Variants in SH2D4A observed in about 807,000 individuals in gnomAD.
SH2D4A encodes the protein SH2 domain-containing protein 4A.
A neutral mutation model predicts 64.7 loss-of-function variants in SH2D4A; 70 were observed. The observed-to-expected ratio is 1.08, with a 90% CI of 0.89 to 1.32. The LOEUF (loss-of-function observed/expected upper bound fraction) is 1.32, where lower values mean the gene tolerates loss of function less well. SH2D4A is among the 40% of genes most tolerant of loss of function. SH2D4A has a pLI of 0.00. For missense variants in SH2D4A, 706 were observed against 540.1 expected (o/e 1.31, Z -3.04); for synonymous variants, 268 against 200.7 (o/e 1.34, Z -2.83).
rs761257331 is a variant in SH2D4A at position 19,351,050 on chromosome 8, CCTGT to C, written c.514-6150_514-6147del. Among the ~76,000 whole-genome samples, 3 of 152,146 alleles carry C rather than the reference CCTGT, an allele frequency of 2.0e-5. No homozygotes were observed. The East Asian group carries it at 5.8e-4, about 29-fold the overall frequency. ...TCTACTTGGCCTTAGGAAAATCTCT[CCTGT>C]CTCTCTTATTCTTTATAACTTTATT... is the stretch of plus-strand genomic sequence containing the variant. On this transcript the variant is annotated intron_variant, in intron 4 of 9. Coordinates refer to ENST00000265807, the MANE Select transcript of SH2D4A (RefSeq NM_022071.4).
chr8:19,336,674 GC>G (rs773086305), intron 4 of SH2D4A, among the ~76,000 whole-genome samples: 4 of 151,968 alleles, frequency 2.6e-5, no homozygotes, highest in Non-Finnish European at 5.9e-5. Flanking sequence ...GCATAATCCT[GC>G]AGAGACAGTG....
Position 19,393,386 on chromosome 8 carries a change from C to T in SH2D4A, c.1117C>T (p.Arg373Ter), listed in dbSNP as rs773317243. 28 of 1,614,046 alleles carry T rather than the reference C, an allele frequency of 1.7e-5. No homozygotes were observed. The East Asian group carries it at 2.0e-4, about 12-fold the overall frequency. The part of the protein sequence containing the change: ...STGMPGSFLI[R>*]VSERIKGYAL... Reference sequence around the variant, plus strand: ...AGGCATGCCCGGCAGTTTTCTCATCCGAGTCAGTGAAAGGATCAAAGGCTA... The same window carrying T: ...AGGCATGCCCGGCAGTTTTCTCATCTGAGTCAGTGAAAGGATCAAAGGCTA... Residue 373 changes from arginine (R) to a stop codon, truncating the protein, a stop_gained, in exon 9 of 10, where the codon CGA (arginine) becomes TGA (stop). Coordinates refer to ENST00000265807, the MANE Select transcript of SH2D4A (RefSeq NM_022071.4). LOFTEE classifies it high-confidence loss of function.
chr8:19,334,609 A>T, intron 3 of SH2D4A, 77 bp from the exon 4 acceptor site: 1 of 1,457,588 alleles, frequency 6.9e-7, no homozygotes. Context: ...ACATAATTTG[A>T]ATGTCGACAT....
intron 1 of SH2D4A, among the ~76,000 whole-genome samples, chr8:19,316,216 T>A (rs1460702422): frequency 6.6e-6 from 1 of 152,220 alleles, no homozygotes; most frequent in Non-Finnish European, 1.5e-5. Flanking sequence ...GTCCCCCAAG[T>A]ATTCTTGGAG....
At chr8:19,389,161 T>C (rs2053440957) in intron 8 of SH2D4A, among the ~76,000 whole-genome samples, 1 of 152,136 alleles carries the variant, frequency 6.6e-6, no homozygotes, top group African/African-American at 2.4e-5. Context: ...GAGGAAGCTG[T>C]GGAGAAAAAT....
chr8:19,340,631 G>T (rs1209885115), intron 4 of SH2D4A, among the ~76,000 whole-genome samples: 4 of 142,862 alleles, frequency 2.8e-5, no homozygotes, highest in Non-Finnish European at 4.5e-5. Flanking sequence ...TTTGAGACAG[G>T]GTCTTGCTCT....
chr8:19,335,969 G>A (rs1456040618), intron 4 of SH2D4A, among the ~76,000 whole-genome samples: 1 of 152,200 alleles, frequency 6.6e-6, no homozygotes, highest in Admixed American at 6.5e-5. Context: ...AGCACTGGCT[G>A]TGTGTGCTTT....
At chr8:19,326,984 C>A (rs2052291389) in intron 2 of SH2D4A, among the ~76,000 whole-genome samples, 2 of 152,196 alleles carry the variant, frequency 1.3e-5, no homozygotes, top group Non-Finnish European at 2.9e-5. Flanking sequence ...CTGGACCAAG[C>A]CCGGCCATCT....
At chr8:19,314,897 T>C (rs2052059775) in intron 1 of SH2D4A, among the ~76,000 whole-genome samples, 1 of 152,170 alleles carries the variant, frequency 6.6e-6, no homozygotes, top group African/African-American at 2.4e-5. Flanking sequence ...CTTTTGCTGG[T>C]AGATGAATAA....
rs191942981 is a variant in SH2D4A at position 19,370,608 on chromosome 8, T to C, written c.918-2922T>C. ...CAATGTTTTTTCCCCATTCTTTCCC[T>C]TCCAGACTATGCATGTCCTTACAGG... On this transcript the variant is annotated intron_variant, in intron 7 of 9. Coordinates refer to ENST00000265807, the MANE Select transcript of SH2D4A (RefSeq NM_022071.4). 2.5e-4 allele frequency among the ~76,000 whole-genome samples: 38 copies of C among 152,218 alleles called. No homozygotes were observed. In the East Asian group the frequency reaches 6.2e-3, roughly 25 times the overall value.
intron 1 of SH2D4A, among the ~76,000 whole-genome samples, chr8:19,315,720 T>C (rs188472369): frequency 2.3e-4 from 35 of 152,354 alleles, no homozygotes; most frequent in African/African-American, 7.0e-4. Context: ...GGAGATTTGC[T>C]GCCCTTGATA....
At chr8:19,380,940 T>C (rs1355540441) in intron 8 of SH2D4A, among the ~76,000 whole-genome samples, 4 of 152,212 alleles carry the variant, frequency 2.6e-5, no homozygotes, top group African/African-American at 9.6e-5. Flanking sequence ...TTGCATTGAA[T>C]CTGTATATCA....
At chr8:19,353,599 G>C (rs73599101) in intron 4 of SH2D4A, among the ~76,000 whole-genome samples, 33,449 of 150,278 alleles carry the variant, frequency 0.22, 4,066 homozygotes, top group Middle Eastern at 0.33. Flanking sequence ...GATCTCTTGA[G>C]CTTGTGATTT....
chr8:19,373,709 G>T (rs759197858), intron 8 of SH2D4A, 49 bp downstream of exon 8: 4 of 1,569,436 alleles, frequency 2.5e-6, no homozygotes, highest in East Asian at 2.3e-5. Context: ...GGCGGATGAA[G>T]CTGTGCTAAT....
At chr8:19,313,971 CT>C in intron 1 of SH2D4A, 148 bp downstream of exon 1, 2 of 1,256,230 alleles carry the variant, frequency 1.6e-6, no homozygotes, top group Non-Finnish European at 2.0e-6. Context: ...GCCTCCACCC[CT>C]TCGCGGCGCC....
In SH2D4A at chr8:19,356,124, G is replaced by A. The variant is rs746937103; in HGVS notation, c.514-1079G>A. 2.7e-4 allele frequency among the ~76,000 whole-genome samples: 41 copies of A among 152,198 alleles called. 1 individual carries two copies. The highest frequency in any genetic ancestry group is 4.1e-4 in the Non-Finnish European group (28 of 68,042). On this transcript the variant is annotated intron_variant, in intron 4 of 9. Transcript: ENST00000265807. ...GAAGGTGGAAGTGGCCTGCAGGAGT[G>A]TGTGAAGGAGGTTTCAAGTGGGCCT... is the stretch of plus-strand genomic sequence containing the variant.
intron 7 of SH2D4A, among the ~76,000 whole-genome samples, chr8:19,364,575 T>A (rs906755984): frequency 1.3e-5 from 2 of 151,548 alleles, no homozygotes; most frequent in African/African-American, 4.9e-5. Flanking sequence ...CTCTCCCCTT[T>A]CCCTCCCCCG....
intron 4 of SH2D4A, among the ~76,000 whole-genome samples, chr8:19,336,477 T>G (rs781629712): frequency 2.6e-5 from 4 of 152,222 alleles, no homozygotes; most frequent in Non-Finnish European, 4.4e-5. Context: ...TGTGTAACAC[T>G]AAACTCCCCC....
intron 2 of SH2D4A, among the ~76,000 whole-genome samples, chr8:19,329,607 G>A (rs931596771): frequency 1.3e-5 from 2 of 152,168 alleles, no homozygotes; most frequent in African/African-American, 4.8e-5. Flanking sequence ...ATCTCATCTT[G>A]AATTGTACTC....
Sources: gnomAD v4.1 joint callset for allele counts (sites outside exome capture counted in the v4.1 genomes callset) on GRCh38, gnomAD v4.1.1 for gene constraint, MANE v1.5 for transcripts, NCBI Gene and HGNC (gene_info 2026-07-23, HGNC 2026-07-21) for gene names.